The following COL19A1 variants were observed in gnomAD, a reference collection of about 807,000 sequenced individuals.
COL19A1 encodes the protein collagen alpha-1(XIX) chain.
In COL19A1, 159 loss-of-function variants were observed where a neutral mutation model predicts 190.2. That is an observed-to-expected ratio of 0.84 (90% confidence interval 0.73 to 0.95). The LOEUF is 0.95. Ranked by LOEUF, COL19A1 falls within the 40% of genes least tolerant of loss-of-function variation. The pLI is 0.00. For synonymous variants in COL19A1, 509 were observed against 458.9 expected, an observed-to-expected ratio of 1.11 and a Z score of -1.39; for missense variants, 1,418 against 1,431.9, an observed-to-expected ratio of 0.99 and a Z score of 0.16.
At chr6:70,097,040 A>T (rs1783319547) in intron 15 of COL19A1, among the ~76,000 whole-genome samples, 1 of 152,144 alleles carries the variant, frequency 6.6e-6, no homozygotes, top group South Asian at 2.1e-4. Context: ...CTCTAACTTC[A>T]TCATCATCAT....
intron 16 of COL19A1, among the ~76,000 whole-genome samples, chr6:70,121,259 C>T (rs1485430411): frequency 6.6e-6 from 1 of 152,048 alleles, no homozygotes; most frequent in East Asian, 1.9e-4. Context: ...TAGGGACAGC[C>T]AAATGTATTT....
At chr6:69,896,180 C>G (rs1769725442) in intron 2 of COL19A1, among the ~76,000 whole-genome samples, 1 of 152,160 alleles carries the variant, frequency 6.6e-6, no homozygotes, top group Non-Finnish European at 1.5e-5. Context: ...TTTTGGGGCA[C>G]TCCTTTCTCT....
At chr6:70,176,731 C>T (rs1387655191) in intron 42 of COL19A1, among the ~76,000 whole-genome samples, 167 bp downstream of exon 42, 1 of 152,192 alleles carries the variant, frequency 6.6e-6, no homozygotes, top group African/African-American at 2.4e-5. Flanking sequence ...TTTTCCACCT[C>T]CACAATCCTC....
chr6:70,130,548 T>C (rs1785458982), intron 18 of COL19A1, among the ~76,000 whole-genome samples: 1 of 152,182 alleles, frequency 6.6e-6, no homozygotes, highest in Non-Finnish European at 1.5e-5. Flanking sequence ...TCAAAGTGAA[T>C]AGAAGGGCCC....
At chr6:69,985,404 G>T (rs552865129) in intron 11 of COL19A1, among the ~76,000 whole-genome samples, 37 of 152,176 alleles carry the variant, frequency 2.4e-4, no homozygotes, top group African/African-American at 8.9e-4. Flanking sequence ...GTCCAGTGGC[G>T]AGTTCAGCAA....
At chr6:70,146,606 G>A (rs1370608641) in intron 25 of COL19A1, 53 bp from the exon 26 acceptor site, 1 of 1,368,926 alleles carries the variant, frequency 7.3e-7, no homozygotes. Context: ...AACTTCTAAT[G>A]TGTTTATAAC....
In COL19A1 at chr6:70,068,482, T is replaced by C; in HGVS notation, c.1224+6T>C. On this transcript the variant is annotated splice_donor_region_variant and intron_variant, in intron 15 of 50. Transcript: ENST00000620364. ...CTGGAAAAGAGGGTCAGAGGGTAAG[T>C]AAAGCTGGAACAACTGGTGGGCATT... 1 of 1,578,258 alleles carries C rather than the reference T, an allele frequency of 6.3e-7. No individual in the cohort carries two copies. The highest frequency in any genetic ancestry group is 2.2e-5 in the East Asian group (1 of 44,564).
chr6:69,937,818 G>T (rs1311556311), intron 8 of COL19A1, among the ~76,000 whole-genome samples: 2 of 152,122 alleles, frequency 1.3e-5, no homozygotes, highest in East Asian at 3.9e-4. Flanking sequence ...TGGAGGAGAT[G>T]ATGCTAAATG....
chr6:70,198,809 T>C (rs1421621526), intron 48 of COL19A1, among the ~76,000 whole-genome samples: 1 of 152,230 alleles, frequency 6.6e-6, no homozygotes, highest in African/African-American at 2.4e-5. Flanking sequence ...ACTTGAAGTG[T>C]TGCTTAATTG....
Position 69,936,915 on chromosome 6 carries a change from G to A in COL19A1, c.873+5G>A, listed in dbSNP as rs760545408. 10 of 1,612,404 alleles carry A rather than the reference G, an allele frequency of 6.2e-6. No homozygotes were observed. The highest frequency in any genetic ancestry group is 1.3e-5 in the African/African-American group (1 of 74,836). On this transcript the variant is annotated splice_donor_5th_base_variant and intron_variant, in intron 8 of 50. Coordinates refer to ENST00000620364, the MANE Select transcript of COL19A1 (RefSeq NM_001858.6). Reference sequence around the variant, plus strand: ...TGCCAGTGCATTCCAAACAAGGTATGCTAGTTTTAATTGGTGCACACTGAA... The same window carrying A: ...TGCCAGTGCATTCCAAACAAGGTATACTAGTTTTAATTGGTGCACACTGAA...
rs1442125098 is a variant in COL19A1, at chr6:69,919,610, TG to T, written c.267-8298del. ...ATCAGATAGGAAAAAATCTAGAGAATGAAGTTAATATGGAATTTGGACAAAT... is the reference window on the plus strand; with the variant it reads ...ATCAGATAGGAAAAAATCTAGAGAATAAGTTAATATGGAATTTGGACAAAT... On this transcript the variant is annotated intron_variant, in intron 4 of 50. Coordinates refer to ENST00000620364, the MANE Select transcript of COL19A1 (RefSeq NM_001858.6). 3.3e-5 allele frequency among the ~76,000 whole-genome samples: 5 copies of T among 152,134 alleles called. No individual in the cohort carries two copies. The South Asian group carries it at 1.0e-3, about 32-fold the overall frequency.
intron 11 of COL19A1, among the ~76,000 whole-genome samples, chr6:69,977,993 A>T (rs1226737594): frequency 6.6e-6 from 1 of 152,216 alleles, no homozygotes; most frequent in African/African-American, 2.4e-5. Flanking sequence ...AGCCAGAAAC[A>T]CAGTCTCTTG....
chr6:70,006,771 G>T (rs1777655707), intron 11 of COL19A1, among the ~76,000 whole-genome samples: 1 of 151,670 alleles, frequency 6.6e-6, no homozygotes, highest in African/African-American at 2.4e-5. Context: ...TACATTTATA[G>T]GATATGAATA....
chr6:70,029,257 A>G (rs1165384113), intron 12 of COL19A1, among the ~76,000 whole-genome samples: 2 of 152,156 alleles, frequency 1.3e-5, no homozygotes, highest in African/African-American at 4.8e-5. Context: ...TTATCTTCTG[A>G]ATTTTAAAGA....
intron 11 of COL19A1, among the ~76,000 whole-genome samples, chr6:70,009,992 T>A (rs1031363940): frequency 6.6e-6 from 1 of 152,190 alleles, no homozygotes; most frequent in African/African-American, 2.4e-5. Context: ...GTAAATTTTT[T>A]AGAAGAAAAT....
intron 40 of COL19A1, among the ~76,000 whole-genome samples, chr6:70,169,966 T>C (rs776461400): frequency 3.9e-5 from 6 of 152,160 alleles, no homozygotes; most frequent in Non-Finnish European, 8.8e-5. Flanking sequence ...AATTATAATT[T>C]ACTGGCATTG....
At chr6:70,165,824 C>A (rs1221177811) in intron 36 of COL19A1, 117 bp from the exon 37 acceptor site, 2 of 944,826 alleles carry the variant, frequency 2.1e-6, no homozygotes, top group East Asian at 4.8e-5. Flanking sequence ...AAGGCTGAAA[C>A]AACATGGCAA....
At chr6:69,902,715 A>G (rs577507544) in intron 4 of COL19A1, among the ~76,000 whole-genome samples, 5 of 152,254 alleles carry the variant, frequency 3.3e-5, no homozygotes, top group Admixed American at 1.3e-4. Context: ...GACAGCATAT[A>G]TGTTCCCTGG....
At chr6:70,078,250 A>T (rs1171975230) in intron 15 of COL19A1, among the ~76,000 whole-genome samples, 1 of 152,198 alleles carries the variant, frequency 6.6e-6, no homozygotes, top group Non-Finnish European at 1.5e-5. Flanking sequence ...TTACTCAAGA[A>T]ACATTTGAGT....
Sources: allele counts gnomAD v4.1 joint callset (sites outside exome capture counted in the v4.1 genomes callset), GRCh38; gene constraint gnomAD v4.1.1; transcripts MANE v1.5; gene names NCBI Gene and HGNC (gene_info 2026-07-23, HGNC 2026-07-21).